CDH20: variants seen among roughly 807,000 people sequenced by gnomAD.
The protein encoded by CDH20 is cadherin 20, also known as cadherin-20.
In CDH20, 29 loss-of-function variants were observed where a neutral mutation model predicts 74.2. The ratio of observed to expected loss-of-function variants is 0.39; its 90% CI spans 0.29 to 0.53. CDH20 has a LOEUF of 0.53. CDH20 is among the 20% of genes least tolerant of loss of function. CDH20 has a pLI of 0.69. For synonymous variants in CDH20, 469 were observed against 405.4 expected, an observed-to-expected ratio of 1.16 and a Z score of -1.88; for missense variants, 988 against 1,048.3, an observed-to-expected ratio of 0.94 and a Z score of 0.79.
chr18:61,525,964 ATTTTTTT>A (rs1006282537), intron 6 of CDH20, among the ~76,000 whole-genome samples: 14 of 84,366 alleles, frequency 1.7e-4, no homozygotes, highest in Admixed American at 2.5e-4. Context: ...CACCCAGCTA[ATTTTTTT>A]TTTTTTTTTT....
intron 1 of CDH20, among the ~76,000 whole-genome samples, chr18:61,465,221 C>T (rs1909920148): frequency 6.6e-6 from 1 of 152,072 alleles, no homozygotes; most frequent in Non-Finnish European, 1.5e-5. Flanking sequence ...ACTGGAACAC[C>T]TTACTTTCTA....
chr18:61,351,924 A>G (rs1910319173), intron 1 of CDH20, among the ~76,000 whole-genome samples: 1 of 152,176 alleles, frequency 6.6e-6, no homozygotes, highest in South Asian at 2.1e-4. Flanking sequence ...GCAATGAAAA[A>G]TGATTTTCAA....
At chr18:61,374,701 C>T (rs1185731129) in intron 1 of CDH20, among the ~76,000 whole-genome samples, 1 of 151,926 alleles carries the variant, frequency 6.6e-6, no homozygotes, top group East Asian at 1.9e-4. Context: ...ACTTGAATAC[C>T]TTGGCTTCCA....
intron 7 of CDH20, among the ~76,000 whole-genome samples, chr18:61,529,363 A>C (rs1402578814): frequency 3.3e-5 from 5 of 152,226 alleles, no homozygotes; most frequent in Non-Finnish European, 7.3e-5. Flanking sequence ...GTAGTTTAAC[A>C]AGAACGGCTT....
intron 1 of CDH20, among the ~76,000 whole-genome samples, chr18:61,390,708 G>A (rs138787918): frequency 6.6e-5 from 10 of 152,264 alleles, no homozygotes; most frequent in Admixed American, 3.3e-4. Flanking sequence ...AAAAAAGATA[G>A]CATTTCTAAT....
At chr18:61,550,313 T>C (rs1913389219) in intron 11 of CDH20, 84 bp downstream of exon 11, 4 of 1,496,376 alleles carry the variant, frequency 2.7e-6, no homozygotes, top group Non-Finnish European at 3.6e-6. Flanking sequence ...GACACAGCTA[T>C]TCAGAACTGG....
intron 1 of CDH20, among the ~76,000 whole-genome samples, chr18:61,436,789 A>G (rs1773384554): frequency 6.6e-6 from 1 of 152,202 alleles, no homozygotes; most frequent in African/African-American, 2.4e-5. Flanking sequence ...GCCTTGGCTA[A>G]GCAAATCAGG....
At chr18:61,427,673 A>G (rs1040450244) in intron 1 of CDH20, among the ~76,000 whole-genome samples, 1 of 152,194 alleles carries the variant, frequency 6.6e-6, no homozygotes, top group Non-Finnish European at 1.5e-5. Context: ...AAATTTCTAA[A>G]TGTTTTCTAT....
intron 6 of CDH20, among the ~76,000 whole-genome samples, chr18:61,519,458 G>A (rs1912114891): frequency 6.6e-6 from 1 of 151,314 alleles, no homozygotes; most frequent in Admixed American, 6.6e-5. Flanking sequence ...GAAAGTGGGA[G>A]CCAACATTCA....
At chr18:61,485,802 G>A (rs1030735053) in intron 1 of CDH20, among the ~76,000 whole-genome samples, 5 of 152,178 alleles carry the variant, frequency 3.3e-5, no homozygotes, top group East Asian at 1.9e-4. Context: ...GGCCAGGTGC[G>A]GTGGCTCACG....
intron 10 of CDH20, among the ~76,000 whole-genome samples, chr18:61,545,434 C>T (rs1001149935): frequency 3.2e-4 from 48 of 151,974 alleles, no homozygotes; most frequent in African/African-American, 1.2e-3. Flanking sequence ...AGTTTTGTTT[C>T]AGAACAACAA....
chr18:61,467,473 T>C (rs1431706606), intron 1 of CDH20, among the ~76,000 whole-genome samples: 2 of 152,142 alleles, frequency 1.3e-5, no homozygotes, highest in African/African-American at 4.8e-5. Flanking sequence ...ATCCATCAAA[T>C]ACAGAGTTTG....
chr18:61,345,816 C>G (rs1312641742), intron 1 of CDH20, among the ~76,000 whole-genome samples: 3 of 152,148 alleles, frequency 2.0e-5, no homozygotes, highest in Non-Finnish European at 2.9e-5. Flanking sequence ...CCATCCTCCA[C>G]GAGCCACCCA....
chr18:61,384,326 C>A (rs909756554), intron 1 of CDH20, among the ~76,000 whole-genome samples: 7 of 152,058 alleles, frequency 4.6e-5, no homozygotes, highest in African/African-American at 1.7e-4. Flanking sequence ...ATAAATGGCC[C>A]CAGTTCAGGC....
chr18:61,487,348 G>A (rs1010807613), intron 1 of CDH20, among the ~76,000 whole-genome samples: 1 of 152,140 alleles, frequency 6.6e-6, no homozygotes, highest in Non-Finnish European at 1.5e-5. Context: ...TGATAGAACT[G>A]TTTTGTAAAA....
rs536866774 is a variant in CDH20, at chr18:61,385,522, C to T, written c.-153+51695C>T. On this transcript the variant is annotated intron_variant, in intron 1 of 11. Coordinates refer to ENST00000262717, the MANE Select transcript of CDH20 (RefSeq NM_031891.4). ...GGACAGTAAAAATATGTAATATCAA[C>T]GAACATAATGGACCATACCTCAAGG... Among the ~76,000 whole-genome samples, 16 of 150,310 alleles carry T rather than the reference C, an allele frequency of 1.1e-4. No homozygotes were observed. The Middle Eastern group carries it at 0.014, about 129-fold the overall frequency.
At chr18:61,359,908 A>C (rs1377761915) in intron 1 of CDH20, among the ~76,000 whole-genome samples, 1 of 152,220 alleles carries the variant, frequency 6.6e-6, no homozygotes, top group Non-Finnish European at 1.5e-5. Context: ...CCAAGTGACA[A>C]GAGATACAGG....
chr18:61,340,164 C>T (rs1220463961), intron 1 of CDH20, among the ~76,000 whole-genome samples: 1 of 150,608 alleles, frequency 6.6e-6, no homozygotes, highest in South Asian at 2.1e-4. Context: ...TAACCTTCCA[C>T]CCAAAATGAA....
intron 3 of CDH20, 53 bp from the exon 4 acceptor site, chr18:61,500,330 T>C (rs913987417): frequency 6.3e-6 from 10 of 1,579,584 alleles, no homozygotes; most frequent in Non-Finnish European, 8.6e-6. Flanking sequence ...CAGGATTGCA[T>C]CCAGCCTTTA....
Sources: allele counts gnomAD v4.1 joint callset (sites outside exome capture counted in the v4.1 genomes callset), GRCh38; gene constraint gnomAD v4.1.1; transcripts MANE v1.5; gene names NCBI Gene and HGNC (gene_info 2026-07-23, HGNC 2026-07-21).